The following GPHN variants were observed in gnomAD, a reference collection of about 807,000 sequenced individuals.
GPHN encodes the protein gephyrin.
GPHN carries 17 observed loss-of-function variants against 95.5 expected under a neutral mutation model. The ratio of observed to expected loss-of-function variants is 0.18; its 90% CI spans 0.12 to 0.27. The LOEUF is 0.27. GPHN is among the 10% of genes least tolerant of loss of function. The pLI, the probability that GPHN is intolerant of heterozygous loss-of-function variation, is 1.00. For missense variants in GPHN, 660 were observed against 978.1 expected, an observed-to-expected ratio of 0.67 and a Z score of 4.34; for synonymous variants, 320 against 322.5, an observed-to-expected ratio of 0.99 and a Z score of 0.08.
intron 16 of GPHN, among the ~76,000 whole-genome samples, chr14:67,120,372 T>C (rs1156314060): frequency 6.6e-6 from 1 of 152,230 alleles, no homozygotes; most frequent in Admixed American, 6.5e-5. Context: ...CCTTATACTC[T>C]TCCATTTAAT....
At chr14:66,562,173 C>T (rs776424939) in intron 1 of GPHN, among the ~76,000 whole-genome samples, 6 of 152,076 alleles carry the variant, frequency 3.9e-5, no homozygotes, top group Admixed American at 1.3e-4. Context: ...CCTCCCTCTA[C>T]TCTCCTAAGT....
At chr14:67,303,540 T>C in the GPHN span, 1 of 1,613,546 alleles carries the variant, frequency 6.2e-7, no homozygotes, top group Non-Finnish European at 8.5e-7. Context: ...GCATGGTACT[T>C]TGACTTTTGT....
the GPHN span, among the ~76,000 whole-genome samples, chr14:67,395,186 C>T: frequency 2.6e-5 from 4 of 152,054 alleles, no homozygotes; most frequent in Non-Finnish European, 4.4e-5. Context: ...GCAAGAGCCA[C>T]GAGAGATCCC....
At chr14:67,305,874 G>A in the GPHN span, among the ~76,000 whole-genome samples, 1 of 152,194 alleles carries the variant, frequency 6.6e-6, no homozygotes, top group Non-Finnish European at 1.5e-5. Context: ...GGTTCATGGT[G>A]AACAATCTCT....
the GPHN span, among the ~76,000 whole-genome samples, chr14:67,619,415 A>G: frequency 6.6e-6 from 1 of 152,230 alleles, no homozygotes; most frequent in Non-Finnish European, 1.5e-5. Context: ...TATATCTCCG[A>G]ATCCAAATTT....
the GPHN span, among the ~76,000 whole-genome samples, chr14:67,361,984 C>G: frequency 6.7e-6 from 1 of 148,708 alleles, no homozygotes; most frequent in Non-Finnish European, 1.5e-5. Context: ...CCACTCTATA[C>G]TTAATTACTT....
At chr14:66,577,682 G>C (rs184659349) in intron 1 of GPHN, among the ~76,000 whole-genome samples, 12 of 152,150 alleles carry the variant, frequency 7.9e-5, no homozygotes, top group Non-Finnish European at 1.8e-4. Context: ...CTCTTCTAAA[G>C]GTGTTTTAGA....
At chr14:67,631,005 A>G in the GPHN span, among the ~76,000 whole-genome samples, 1 of 152,126 alleles carries the variant, frequency 6.6e-6, no homozygotes, top group Admixed American at 6.6e-5. Context: ...CCCTCTCCCT[A>G]TGCTCTAGAC....
At chr14:67,632,038 C>G in the GPHN span, among the ~76,000 whole-genome samples, 2 of 152,046 alleles carry the variant, frequency 1.3e-5, no homozygotes, top group Non-Finnish European at 2.9e-5. Context: ...CCATGCCTAG[C>G]TAATTTTGTT....
intron 1 of GPHN, among the ~76,000 whole-genome samples, chr14:66,548,646 A>T (rs2059696692): frequency 6.6e-6 from 1 of 152,208 alleles, no homozygotes; most frequent in Non-Finnish European, 1.5e-5. Context: ...GAGTATTGAA[A>T]TTAGGCCAGA....
chr14:67,578,296 G>C, the GPHN span: 1 of 1,106,054 alleles, frequency 9.0e-7, no homozygotes, highest in South Asian at 1.4e-5. This position sits in a 1 kb window ranked among gnomAD's most constrained non-coding sequence, Gnocchi z 5.0. Flanking sequence ...TATACGGTGA[G>C]CCCAGCCAGC....
intron 4 of GPHN, among the ~76,000 whole-genome samples, chr14:66,837,185 G>A (rs1596083070): frequency 6.6e-6 from 1 of 151,330 alleles, no homozygotes; most frequent in East Asian, 1.9e-4. Flanking sequence ...CAAAGACTTG[G>A]AACCAACCCA....
At chr14:66,766,112 C>G (rs994184344) in intron 2 of GPHN, among the ~76,000 whole-genome samples, 5 of 152,180 alleles carry the variant, frequency 3.3e-5, no homozygotes, top group Non-Finnish European at 5.9e-5. Context: ...TCCCTGAGAG[C>G]ATTTTTCAAT....
intron 2 of GPHN, among the ~76,000 whole-genome samples, chr14:66,687,170 T>C (rs1251563431): frequency 6.6e-6 from 1 of 152,176 alleles, no homozygotes; most frequent in African/African-American, 2.4e-5. Flanking sequence ...TGGGAGACTC[T>C]AACACCCCAC....
the GPHN span, among the ~76,000 whole-genome samples, chr14:67,237,181 T>G: frequency 6.6e-6 from 1 of 152,034 alleles, no homozygotes; most frequent in African/African-American, 2.4e-5. Flanking sequence ...TTTATCTGAG[T>G]TACTGAGTAT....
At chr14:67,295,735 A>C in the GPHN span, among the ~76,000 whole-genome samples, 1 of 152,226 alleles carries the variant, frequency 6.6e-6, no homozygotes, top group Non-Finnish European at 1.5e-5. Context: ...CTTATGGAAC[A>C]ACTGAAACTC....
the GPHN span, among the ~76,000 whole-genome samples, chr14:67,304,649 G>A: frequency 1.3e-5 from 2 of 152,160 alleles, no homozygotes; most frequent in Admixed American, 6.5e-5. Context: ...ATTTATGAGG[G>A]AATGGTGATT....
At chr14:67,383,640 T>G in the GPHN span, 1 of 630,990 alleles carries the variant, frequency 1.6e-6, no homozygotes, top group South Asian at 1.7e-5. Context: ...TCCAACACTT[T>G]GAGCATTTTT....
chr14:67,733,817 G>A, the GPHN span: 1 of 1,613,288 alleles, frequency 6.2e-7, no homozygotes, highest in Non-Finnish European at 8.5e-7. Context: ...TGGAATGTCA[G>A]CTGTGAGCTT....
Sources: gnomAD v4.1 joint callset for allele counts (sites outside exome capture counted in the v4.1 genomes callset) on GRCh38, gnomAD v4.1.1 for gene constraint, Gnocchi (gnomAD v3.1) non-coding constraint, MANE v1.5 for transcripts, NCBI Gene and HGNC (gene_info 2026-07-23, HGNC 2026-07-21) for gene names.